Variants in ITGA9 observed in about 807,000 individuals in gnomAD.
ITGA9 encodes integrin subunit alpha 9.
A neutral mutation model predicts 127.8 loss-of-function variants in ITGA9; 56 were observed. That is an observed-to-expected ratio of 0.44 (90% CI 0.35 to 0.55). ITGA9 has a LOEUF of 0.55. ITGA9 is among the 20% of genes least tolerant of loss of function. ITGA9 has a pLI of 0.00. For synonymous variants in ITGA9, 508 were observed against 514.5 expected (o/e 0.99, Z 0.17); for missense variants, 1,196 against 1,347.1 (o/e 0.89, Z 1.76).
intron 3 of ITGA9, among the ~76,000 whole-genome samples, chr3:37,476,573 C>A (rs57496508): frequency 1.0e-3 from 157 of 152,054 alleles, no homozygotes; most frequent in African/African-American, 3.7e-3. Context: ...ATCCTCATGG[C>A]ATTTTGCACA....
intron 15 of ITGA9, among the ~76,000 whole-genome samples, chr3:37,576,934 G>A (rs1699659370): frequency 6.6e-6 from 1 of 152,218 alleles, no homozygotes; most frequent in Admixed American, 6.5e-5. Context: ...AATGAAAATA[G>A]AGTGAAACAG....
chr3:37,568,449 T>C (rs1443127472), intron 15 of ITGA9, among the ~76,000 whole-genome samples: 1 of 152,250 alleles, frequency 6.6e-6, no homozygotes, highest in East Asian at 1.9e-4. Flanking sequence ...TCAGTACTTA[T>C]GCAAATTTTT....
At position 37,503,245 on chromosome 3, in the gene ITGA9, C is replaced by A; in HGVS notation, c.680C>A (p.Thr227Lys). Residue 227 changes from threonine to lysine, a missense_variant, in exon 6 of 28, where the codon ACG becomes AAG. By Grantham distance (78) the Thr-to-Lys change is moderately conservative. Transcript: ENST00000264741. ...WAGTIKVLNL[T>K]DNTYLKLNDE... ...GGAACCATCAAAGTGCTGAACCTTACGGACAACACCTATTTAAAACTGAAC... is the reference window on the plus strand; with the variant it reads ...GGAACCATCAAAGTGCTGAACCTTAAGGACAACACCTATTTAAAACTGAAC... 5.6e-6 allele frequency: 9 copies of A among 1,613,950 alleles called. No homozygotes were observed. Among genetic ancestry groups the A allele is most frequent in the Non-Finnish European group, 7.6e-6 (9 of 1,179,928 alleles).
In ITGA9 at chr3:37,779,384, C is replaced by T. The variant is rs1046768791; in HGVS notation, c.2668-518C>T. Among the ~76,000 whole-genome samples the T allele has an allele frequency of 3.3e-5, 5 of 151,720 alleles. No individual in the cohort carries two copies. The South Asian group carries it at 6.3e-4, about 19-fold the overall frequency. The stretch of plus-strand genomic sequence containing the variant: ...CCTCCCGAAGTGCTGGGATTACAGG[C>T]GTGAGCCACTGCGCCCAGCCGAGAT... On this transcript the variant is annotated intron_variant, in intron 24 of 27. Transcript: ENST00000264741.
intron 18 of ITGA9, among the ~76,000 whole-genome samples, chr3:37,725,414 A>G (rs1042662552): frequency 1.3e-5 from 2 of 152,206 alleles, no homozygotes; most frequent in Admixed American, 1.3e-4. Flanking sequence ...TGTTCAAATG[A>G]CAGGCCTTTT....
intron 3 of ITGA9, among the ~76,000 whole-genome samples, chr3:37,473,714 AC>A (rs1384886345): frequency 6.8e-6 from 1 of 147,438 alleles, no homozygotes; most frequent in Admixed American, 6.8e-5. Flanking sequence ...CTCATTCATT[AC>A]ATAGGTATTT....
chr3:37,662,273 A>G (rs1228805872), intron 17 of ITGA9, among the ~76,000 whole-genome samples: 1 of 152,024 alleles, frequency 6.6e-6, no homozygotes. Context: ...CGTGGCAGCA[A>G]GCGCCTCTAG....
intron 15 of ITGA9, among the ~76,000 whole-genome samples, chr3:37,547,876 C>T (rs564751907): frequency 6.6e-6 from 1 of 152,184 alleles, no homozygotes; most frequent in South Asian, 2.1e-4. Flanking sequence ...TGTCTTTCAG[C>T]TATCCTATTT....
chr3:37,619,987 G>C (rs1700112149), intron 15 of ITGA9, among the ~76,000 whole-genome samples: 1 of 152,096 alleles, frequency 6.6e-6, no homozygotes, highest in African/African-American at 2.4e-5. Context: ...CCTGTGAAAG[G>C]GGTCACTTGA....
rs569420274 is a variant in ITGA9 at position 37,623,513 on chromosome 3, C to T, written c.1690-5674C>T. ...AAGTGCCCATAAATGTTGGGGTTAC[C>T]TCCACATTCTTTCCTTCTCTTTGGG... On this transcript the variant is annotated intron_variant, in intron 15 of 27. Coordinates refer to ENST00000264741, the MANE Select transcript of ITGA9 (RefSeq NM_002207.3). 2.3e-3 allele frequency among the ~76,000 whole-genome samples: 351 copies of T among 152,292 alleles called. 1 individual carries two copies. Among genetic ancestry groups the T allele is most frequent in the African/African-American group, 8.0e-3 (333 of 41,550 alleles).
intron 24 of ITGA9, 110 bp from the exon 25 acceptor site, chr3:37,779,792 C>A: frequency 2.0e-6 from 2 of 1,020,826 alleles, no homozygotes; most frequent in Admixed American, 1.8e-5. Context: ...ATTTCCTCTG[C>A]CTGGAATTGC....
chr3:37,515,764 G>C (rs542227369), intron 9 of ITGA9, among the ~76,000 whole-genome samples: 7 of 152,246 alleles, frequency 4.6e-5, no homozygotes, highest in South Asian at 4.1e-4. Flanking sequence ...AACAAGCAAG[G>C]TGCAGTGGTG....
At chr3:37,687,994 C>A in intron 18 of ITGA9, among the ~76,000 whole-genome samples, 1 of 152,232 alleles carries the variant, frequency 6.6e-6, no homozygotes, top group East Asian at 1.9e-4. Context: ...TGTAACAAAC[C>A]TCACATCCAC....
chr3:37,566,300 G>A (rs139010730), intron 15 of ITGA9, among the ~76,000 whole-genome samples: 1 of 152,264 alleles, frequency 6.6e-6, no homozygotes, highest in African/African-American at 2.4e-5. Context: ...GTAATAGCAT[G>A]GATGTGCCGG....
At chr3:37,655,674 C>T (rs1700470923) in intron 17 of ITGA9, among the ~76,000 whole-genome samples, 1 of 152,160 alleles carries the variant, frequency 6.6e-6, no homozygotes, top group Admixed American at 6.5e-5. Context: ...GTTTCTTTTG[C>T]TGTGCAGAAG....
intron 4 of ITGA9, among the ~76,000 whole-genome samples, chr3:37,489,691 C>CT (rs10579497): frequency 1.3e-3 from 168 of 132,272 alleles, no homozygotes; most frequent in Non-Finnish European, 1.4e-3. Flanking sequence ...TATAATTGCC[C>CT]TTTTTTTTTT....
At chr3:37,618,911 A>G (rs1163458751) in intron 15 of ITGA9, among the ~76,000 whole-genome samples, 1 of 152,160 alleles carries the variant, frequency 6.6e-6, no homozygotes, top group East Asian at 1.9e-4. Flanking sequence ...TGTGCTTCCC[A>G]GGTGAGGTGA....
At chr3:37,751,997 A>G (rs1032602671) in intron 23 of ITGA9, among the ~76,000 whole-genome samples, 5 of 152,174 alleles carry the variant, frequency 3.3e-5, no homozygotes, top group Admixed American at 1.3e-4. Context: ...TGTTCTTATA[A>G]ACGATCACCA....
intron 17 of ITGA9, among the ~76,000 whole-genome samples, chr3:37,661,462 A>C (rs1055581080): frequency 6.6e-6 from 1 of 152,228 alleles, no homozygotes; most frequent in Non-Finnish European, 1.5e-5. Flanking sequence ...GTTCATTGAT[A>C]CTTAGATAAC....
Sources: allele counts gnomAD v4.1 joint callset (sites outside exome capture counted in the v4.1 genomes callset), GRCh38; gene constraint gnomAD v4.1.1; transcripts MANE v1.5; gene names NCBI Gene and HGNC (gene_info 2026-07-23, HGNC 2026-07-21).